ZNF680: variants seen among roughly 807,000 people sequenced by gnomAD.
ZNF680 encodes the protein hypothetical protein FLJ90430.
In ZNF680, 6 loss-of-function variants were observed where a neutral mutation model predicts 12.1. The ratio of observed to expected loss-of-function variants is 0.49; its 90% CI spans 0.27 to 0.98. ZNF680 has a LOEUF of 0.98. Ranked by LOEUF, ZNF680 falls within the 50% of genes least tolerant of loss-of-function variation. The pLI is 0.12. For missense variants in ZNF680, 561 were observed against 616.3 expected (o/e 0.91, Z 0.95); for synonymous variants, 170 against 199.3 (o/e 0.85, Z 1.24).
At chr7:64,500,859 G>T in the ZNF680 span, 1 of 502,194 alleles carries the variant, frequency 2.0e-6, no homozygotes, top group Non-Finnish European at 3.9e-6. Flanking sequence ...ACAGATCCTC[G>T]CTCCATGAAC....
chr7:64,522,375 T>C lies in ZNF680; in HGVS notation c.379A>G (p.Lys127Glu). 1 of 1,612,438 alleles carries C rather than the reference T, an allele frequency of 6.2e-7. No individual in the cohort carries two copies. Among genetic ancestry groups the C allele is most frequent in the Non-Finnish European group, 8.5e-7 (1 of 1,179,244 alleles). The change falls in exon 4 of 4, where the codon AAA becomes GAA. Residue 127 changes from lysine (K) to glutamate (E), a missense_variant. Physicochemically the swap from Lys to Glu is moderately conservative, Grantham distance 56. Transcript: ENST00000309683. ...HENLQLRISC[K>E]SVDESKVFKE... ...AACACCTTAGACTCATCCACACTTT[T>C]ACAACTTATTCTTAATTGTAAATTC...
downstream of ZNF680, among the ~76,000 whole-genome samples, chr7:64,519,516 T>C (rs1390885512): frequency 6.6e-6 from 1 of 151,758 alleles, no homozygotes; most frequent in Non-Finnish European, 1.5e-5. Context: ...AGGCATTATA[T>C]GAAAAAAGAT....
Position 64,543,786 on chromosome 7 carries a change from C to G in ZNF680, c.174G>C (p.Lys58Asn). 6.2e-7 allele frequency: 1 copy of G among 1,613,086 alleles called. No individual in the cohort carries two copies. The change falls in exon 3 of 4, where the codon AAG (lysine) becomes AAC (asparagine). Residue 58 changes from lysine (K) to asparagine (N), a missense_variant. Lys to Asn is a moderately conservative substitution (Grantham distance 94). Coordinates refer to ENST00000309683, the MANE Select transcript of ZNF680 (RefSeq NM_178558.5). ...NLVFLGIAVSKPHLITCLEQG... is the reference protein window; with the variant it reads ...NLVFLGIAVSNPHLITCLEQG... ...GCTCCAAACAGGTTATCAGGTGAGGCTTAGAGACAGCAATACCTGTTTTAT... is the reference window on the plus strand; with the variant it reads ...GCTCCAAACAGGTTATCAGGTGAGGGTTAGAGACAGCAATACCTGTTTTAT...
At chr7:64,539,367 A>G (rs1328873843) in intron 3 of ZNF680, among the ~76,000 whole-genome samples, 2 of 138,526 alleles carry the variant, frequency 1.4e-5, no homozygotes. Context: ...AAAAAAAAAA[A>G]AAAAAAAAGA....
downstream of ZNF680, among the ~76,000 whole-genome samples, chr7:64,519,514 T>C (rs751891182): frequency 1.8e-4 from 27 of 151,888 alleles, no homozygotes; most frequent in Middle Eastern, 3.4e-3. Context: ...AAAGGCATTA[T>C]ATGAAAAAAG....
At chr7:64,507,854 C>G in the ZNF680 span, among the ~76,000 whole-genome samples, 1 of 142,756 alleles carries the variant, frequency 7.0e-6, no homozygotes, top group African/African-American at 2.7e-5. Flanking sequence ...CACACACACA[C>G]ACACACACAC....
At chr7:64,506,362 G>A in the ZNF680 span, among the ~76,000 whole-genome samples, 1 of 152,070 alleles carries the variant, frequency 6.6e-6, no homozygotes, top group Admixed American at 6.5e-5. Context: ...GCTATTTTTC[G>A]TATTTTTAGT....
chr7:64,541,964 T>G (rs1786529882), intron 3 of ZNF680, among the ~76,000 whole-genome samples: 1 of 152,194 alleles, frequency 6.6e-6, no homozygotes, highest in African/African-American at 2.4e-5. Context: ...TCTTTGATAC[T>G]CAGTGAAAGC....
chr7:64,542,246 C>T (rs1261458875), intron 3 of ZNF680, among the ~76,000 whole-genome samples: 1 of 152,138 alleles, frequency 6.6e-6, no homozygotes, highest in Non-Finnish European at 1.5e-5. Context: ...AAAATCTTTA[C>T]CTTCTAAACC....
At chr7:64,556,177 A>G (rs1156661859) in intron 1 of ZNF680, among the ~76,000 whole-genome samples, 1 of 151,812 alleles carries the variant, frequency 6.6e-6, no homozygotes, top group African/African-American at 2.4e-5. Context: ...GACTGATATC[A>G]TTAAAATGGC....
the ZNF680 span, among the ~76,000 whole-genome samples, chr7:64,509,696 CCAG>C: frequency 1.1e-4 from 16 of 152,192 alleles, no homozygotes; most frequent in East Asian, 3.1e-3. Context: ...GTCTAGAAAT[CCAG>C]CAGGGCAAAA....
chr7:64,524,053 G>A (rs1452442169), intron 3 of ZNF680, among the ~76,000 whole-genome samples: 1 of 150,826 alleles, frequency 6.6e-6, no homozygotes, highest in Non-Finnish European at 1.5e-5. Flanking sequence ...GAGAGAAGAA[G>A]AGGTCAAAAT....
At chr7:64,528,813 C>A (rs1785704506) in intron 3 of ZNF680, among the ~76,000 whole-genome samples, 1 of 152,128 alleles carries the variant, frequency 6.6e-6, no homozygotes, top group South Asian at 2.1e-4. Flanking sequence ...CCTCTCCACC[C>A]TACCACAGCT....
At chr7:64,554,363 G>A (rs13236187) in intron 1 of ZNF680, among the ~76,000 whole-genome samples, 47,946 of 151,372 alleles carry the variant, frequency 0.32, 8,557 homozygotes, top group African/African-American at 0.47. Flanking sequence ...CGCCCCGTCC[G>A]GGAGGTGGGG....
intron 3 of ZNF680, among the ~76,000 whole-genome samples, chr7:64,530,718 G>A (rs1785815554): frequency 6.6e-6 from 1 of 151,818 alleles, no homozygotes; most frequent in Admixed American, 6.6e-5. Context: ...AATTAGCCGG[G>A]TGTGGTGGCA....
chr7:64,538,586 G>A (rs1281773780), intron 3 of ZNF680, among the ~76,000 whole-genome samples: 1 of 152,070 alleles, frequency 6.6e-6, no homozygotes, highest in Non-Finnish European at 1.5e-5. Flanking sequence ...CATTATAATA[G>A]CCACTATAAG....
At chr7:64,558,504 T>C (rs1787543580) in intron 1 of ZNF680, among the ~76,000 whole-genome samples, 1 of 152,116 alleles carries the variant, frequency 6.6e-6, no homozygotes, top group Admixed American at 6.6e-5. Flanking sequence ...CCCCTGCAGA[T>C]GTCTCAGGCT....
chr7:64,514,031 T>TA, the ZNF680 span, among the ~76,000 whole-genome samples: 1 of 152,130 alleles, frequency 6.6e-6, no homozygotes, highest in African/African-American at 2.4e-5. Context: ...ACAAATAACT[T>TA]ACGGTAATTT....
chr7:64,536,397 G>A (rs865842037), intron 3 of ZNF680, among the ~76,000 whole-genome samples: 2 of 152,170 alleles, frequency 1.3e-5, no homozygotes, highest in Non-Finnish European at 2.9e-5. Flanking sequence ...CAATCATGAT[G>A]GAAGGCAAAG....
Sources: gnomAD v4.1 joint callset for allele counts (sites outside exome capture counted in the v4.1 genomes callset) on GRCh38, gnomAD v4.1.1 for gene constraint, MANE v1.5 for transcripts, NCBI Gene and HGNC (gene_info 2026-07-23, HGNC 2026-07-21) for gene names.